CCNY: variants seen among roughly 807,000 people sequenced by gnomAD.
The protein encoded by CCNY is cyclin Y, also known as cyclin-Y.
In CCNY, 19 loss-of-function variants were observed where a neutral mutation model predicts 42.8. The ratio of observed to expected loss-of-function variants is 0.44; its 90% CI spans 0.31 to 0.65. The LOEUF is 0.65. Among genes scored for constraint, CCNY ranks in the 30% least tolerant of loss-of-function variants. The pLI is 0.07. For synonymous variants in CCNY, 165 were observed against 162.7 expected (o/e 1.01, Z -0.11); for missense variants, 370 against 437.3 (o/e 0.85, Z 1.37).
At chr10:35,305,672 C>A (rs1354852632) in intron 3 of CCNY, among the ~76,000 whole-genome samples, 1 of 152,186 alleles carries the variant, frequency 6.6e-6, no homozygotes, top group Admixed American at 6.6e-5. Flanking sequence ...AAGAACAGTT[C>A]TAATATCTTC....
chr10:35,305,938 T>C (rs894648102), intron 3 of CCNY, among the ~76,000 whole-genome samples: 4 of 152,176 alleles, frequency 2.6e-5, no homozygotes, highest in Non-Finnish European at 5.9e-5. Context: ...GGAGTTGATA[T>C]AAGGTGCAGG....
intron 3 of CCNY, among the ~76,000 whole-genome samples, chr10:35,269,105 T>C (rs923738087): frequency 5.3e-5 from 8 of 152,254 alleles, no homozygotes; most frequent in African/African-American, 1.7e-4. Context: ...TAAAGATTTA[T>C]GTGGCCAGGC....
At chr10:35,493,389 T>C (rs1406638690) in intron 2 of CCNY, among the ~76,000 whole-genome samples, 1 of 152,204 alleles carries the variant, frequency 6.6e-6, no homozygotes, top group Non-Finnish European at 1.5e-5. Context: ...ATAAACTTAC[T>C]TTTCAATTCT....
At chr10:35,513,215 T>C (rs558311605) in intron 3 of CCNY, among the ~76,000 whole-genome samples, 5 of 152,336 alleles carry the variant, frequency 3.3e-5, no homozygotes, top group Non-Finnish European at 5.9e-5. Flanking sequence ...CATAGCTTAA[T>C]CTGTAAGGTT....
rs572446799 is a variant in CCNY, at chr10:35,444,287, C to T, written c.155-39117C>T. On this transcript the variant is annotated intron_variant, in intron 1 of 9. Coordinates refer to ENST00000374704, the MANE Select transcript of CCNY (RefSeq NM_145012.6). The stretch of plus-strand genomic sequence containing the variant: ...TTTTGGAGACGGAGTCTTGCTCTGC[C>T]ATCCAGGCTGGAGTGCAGTGCGTGA... Among the ~76,000 whole-genome samples the T allele has an allele frequency of 1.7e-4, 26 of 150,760 alleles. 1 individual carries two copies. In the South Asian group the frequency reaches 5.2e-3, roughly 30 times the overall value.
chr10:35,436,779 G>GT (rs1838543194), intron 1 of CCNY, among the ~76,000 whole-genome samples: 1 of 152,080 alleles, frequency 6.6e-6, no homozygotes, highest in Non-Finnish European at 1.5e-5. Flanking sequence ...ATTTTTTCCT[G>GT]TTTCTTTTTT....
chr10:35,395,372 T>C (rs866270780), intron 1 of CCNY, among the ~76,000 whole-genome samples: 3 of 152,158 alleles, frequency 2.0e-5, no homozygotes, highest in South Asian at 4.1e-4. Flanking sequence ...CAATGGCAAG[T>C]GCAGCATGGG....
chr10:35,342,960 T>G (rs1252861864), intron 1 of CCNY, among the ~76,000 whole-genome samples: 1 of 151,896 alleles, frequency 6.6e-6, no homozygotes, highest in Non-Finnish European at 1.5e-5. Flanking sequence ...TGCTTTTGTC[T>G]AGCAATATTT....
chr10:35,447,915 C>T (rs1838827778), intron 1 of CCNY, among the ~76,000 whole-genome samples: 1 of 152,160 alleles, frequency 6.6e-6, no homozygotes, highest in South Asian at 2.1e-4. Context: ...TAGGCCTGCC[C>T]CTGGCATTTC....
At chr10:35,508,124 C>T (rs1250426325) in intron 3 of CCNY, among the ~76,000 whole-genome samples, 1 of 152,080 alleles carries the variant, frequency 6.6e-6, no homozygotes, top group Non-Finnish European at 1.5e-5. Flanking sequence ...CAGGCTTGAC[C>T]GAATCAATCT....
chr10:35,447,732 G>A (rs1249962437), intron 1 of CCNY, among the ~76,000 whole-genome samples: 1 of 152,124 alleles, frequency 6.6e-6, no homozygotes, highest in Non-Finnish European at 1.5e-5. Context: ...TGACACTTTG[G>A]GGAGTTTCTT....
intron 1 of CCNY, among the ~76,000 whole-genome samples, chr10:35,367,461 G>A (rs545173911): frequency 2.0e-5 from 3 of 152,292 alleles, no homozygotes; most frequent in African/African-American, 7.2e-5. Flanking sequence ...GTGCTCAATA[G>A]ATATTAGTTA....
intron 2 of CCNY, among the ~76,000 whole-genome samples, chr10:35,498,466 G>T (rs560536906): frequency 6.6e-6 from 1 of 152,236 alleles, no homozygotes; most frequent in African/African-American, 2.4e-5. Flanking sequence ...ACTCTTTCCT[G>T]CACAGCGGAG....
intron 3 of CCNY, among the ~76,000 whole-genome samples, chr10:35,307,501 C>T (rs1360995402): frequency 6.6e-6 from 1 of 152,128 alleles, no homozygotes; most frequent in Admixed American, 6.6e-5. Flanking sequence ...CTGTGACTCA[C>T]TCACCCAACT....
At chr10:35,514,941 C>T (rs1303348636) in intron 3 of CCNY, among the ~76,000 whole-genome samples, 3 of 152,132 alleles carry the variant, frequency 2.0e-5, no homozygotes, top group African/African-American at 7.2e-5. Context: ...ATGGTAATAG[C>T]TGTTATTAGA....
intron 1 of CCNY, among the ~76,000 whole-genome samples, chr10:35,439,204 G>A (rs930031889): frequency 2.0e-5 from 3 of 152,102 alleles, no homozygotes; most frequent in Admixed American, 1.3e-4. Context: ...AGCCCTGCCC[G>A]CTGTCTTTTC....
chr10:35,529,894 A>T, intron 5 of CCNY, 79 bp from the exon 6 acceptor site: 1 of 1,325,620 alleles, frequency 7.5e-7, no homozygotes, highest in Non-Finnish European at 1.1e-6. Context: ...AAAGTCATTG[A>T]ATTAAAATGT....
At chr10:35,467,378 T>C (rs191111462) in intron 1 of CCNY, among the ~76,000 whole-genome samples, 9 of 152,346 alleles carry the variant, frequency 5.9e-5, no homozygotes, top group Admixed American at 3.3e-4. Flanking sequence ...CAGTTTCTCA[T>C]TGTGTGGGAC....
intron 1 of CCNY, among the ~76,000 whole-genome samples, chr10:35,478,340 A>G (rs1253077259): frequency 1.2e-3 from 183 of 147,410 alleles, no homozygotes; most frequent in Middle Eastern, 6.6e-3. Context: ...AGTCAATCCT[A>G]AGCCAAAAGA....
Sources: gnomAD v4.1 joint callset for allele counts (sites outside exome capture counted in the v4.1 genomes callset) on GRCh38, gnomAD v4.1.1 for gene constraint, MANE v1.5 for transcripts, NCBI Gene and HGNC (gene_info 2026-07-23, HGNC 2026-07-21) for gene names.